TENM3: variants seen among roughly 807,000 people sequenced by gnomAD.
The protein encoded by TENM3 is teneurin-3.
TENM3 carries 63 observed loss-of-function variants against 255.1 expected under a neutral mutation model. The observed-to-expected ratio is 0.25, with a 90% CI of 0.20 to 0.30. TENM3 has a LOEUF of 0.30. TENM3 is among the 10% of genes least tolerant of loss of function. The pLI is 1.00. For synonymous variants in TENM3, 1,306 were observed against 1,322.3 expected (o/e 0.99, Z 0.27); for missense variants, 2,929 against 3,461.1 (o/e 0.85, Z 3.86).
At chr4:182,783,870 C>A (rs1174959526) in intron 24 of TENM3, among the ~76,000 whole-genome samples, 4 of 151,924 alleles carry the variant, frequency 2.6e-5, no homozygotes, top group African/African-American at 9.7e-5. Flanking sequence ...CTTCTGCATT[C>A]TTCACGTAGT....
At chr4:182,738,589 A>G in intron 18 of TENM3, 45 bp downstream of exon 18, 1 of 1,495,500 alleles carries the variant, frequency 6.7e-7, no homozygotes, top group Non-Finnish European at 9.0e-7. Flanking sequence ...TGTATTGTTC[A>G]GAGATAGCTA....
the TENM3 span, among the ~76,000 whole-genome samples, chr4:181,823,951 C>T: frequency 6.6e-6 from 1 of 152,118 alleles, no homozygotes; most frequent in Middle Eastern, 3.4e-3. Context: ...GAAGTGATGG[C>T]TTTTGTGTAC....
the TENM3 span, among the ~76,000 whole-genome samples, chr4:181,748,492 T>C: frequency 6.6e-6 from 1 of 152,098 alleles, no homozygotes; most frequent in African/African-American, 2.4e-5. Context: ...ATTTTATAGA[T>C]GGTAGATGAC....
chr4:182,239,051 G>C (rs1245275033), upstream of TENM3, among the ~76,000 whole-genome samples: 1 of 149,890 alleles, frequency 6.7e-6, no homozygotes, highest in Non-Finnish European at 1.5e-5. Flanking sequence ...GTGTGTGTGT[G>C]TGTGTGTGTG....
At position 182,796,640 on chromosome 4, in the gene TENM3, T is replaced by A. The variant is rs1579549075; in HGVS notation, c.7217T>A (p.Val2406Asp). The change falls in exon 27 of 28, where the codon GTT (valine) becomes GAT (aspartate). Residue 2406 changes from valine to aspartate, a missense_variant. Around this residue, in one of 6 missense-constraint regions of TENM3, gnomAD observed 476 missense variants for 480.1 expected, o/e 0.99. Transcript: ENST00000511685. ...ATTCTGAACATTCTTCTCCTAGATG[T>A]TAACAGCTGGCTGGTGACATTTGGT... is the stretch of plus-strand genomic sequence containing the variant. ...IHDVKDYITD[V>D]NSWLVTFGFH... 1 of 1,606,160 alleles carries A rather than the reference T, an allele frequency of 6.2e-7. No homozygotes were observed.
intron 5 of TENM3, among the ~76,000 whole-genome samples, chr4:182,653,551 A>G (rs76692326): frequency 0.035 from 5,303 of 152,300 alleles, 142 homozygotes; most frequent in Middle Eastern, 0.061. Context: ...ATAGTATTAA[A>G]TCACTATTGA....
intron 3 of TENM3, among the ~76,000 whole-genome samples, chr4:182,575,925 T>G (rs927956195): frequency 2.0e-5 from 3 of 152,210 alleles, no homozygotes; most frequent in Admixed American, 6.5e-5. Context: ...TTCCTCATTT[T>G]TATTCATCCG....
chr4:182,661,697 A>G (rs1754244393), intron 6 of TENM3, among the ~76,000 whole-genome samples: 1 of 152,200 alleles, frequency 6.6e-6, no homozygotes, highest in East Asian at 1.9e-4. Flanking sequence ...CAGGGTATGA[A>G]TCCAAGGTTA....
chr4:181,841,751 G>C, the TENM3 span, among the ~76,000 whole-genome samples: 2 of 152,016 alleles, frequency 1.3e-5, no homozygotes, highest in African/African-American at 4.8e-5. Flanking sequence ...GTGGCATAAG[G>C]CTGATTTGGG....
At chr4:182,078,191 A>C in the TENM3 span, among the ~76,000 whole-genome samples, 1 of 152,066 alleles carries the variant, frequency 6.6e-6, no homozygotes, top group African/African-American at 2.4e-5. Context: ...GTGGCACTGC[A>C]CTCTAGTCTA....
chr4:181,608,829 TTGGA>T, the TENM3 span, among the ~76,000 whole-genome samples: 1 of 152,172 alleles, frequency 6.6e-6, no homozygotes, highest in Non-Finnish European at 1.5e-5. Flanking sequence ...GAGCCTGACA[TTGGA>T]AAAGCTTAGC....
chr4:182,726,150 G>C (rs1323789058), intron 13 of TENM3, among the ~76,000 whole-genome samples: 1 of 152,062 alleles, frequency 6.6e-6, no homozygotes, highest in Non-Finnish European at 1.5e-5. Context: ...TAAAATATTA[G>C]TGTGAAAAGA....
intron 18 of TENM3, 70 bp from the exon 19 acceptor site, chr4:182,743,100 A>AT: frequency 6.7e-7 from 1 of 1,485,548 alleles, no homozygotes; most frequent in Non-Finnish European, 9.1e-7. Context: ...TAAAACAATC[A>AT]TGAACATGTT....
chr4:181,639,479 C>T, the TENM3 span, among the ~76,000 whole-genome samples: 1 of 152,138 alleles, frequency 6.6e-6, no homozygotes, highest in African/African-American at 2.4e-5. Context: ...GTGGCTCACG[C>T]CTGTAATCCC....
the TENM3 span, among the ~76,000 whole-genome samples, chr4:182,000,482 C>T: frequency 1.3e-5 from 2 of 152,164 alleles, no homozygotes; most frequent in Middle Eastern, 6.9e-3. Flanking sequence ...GTGACTGCGT[C>T]TGATATTTAT....
the TENM3 span, among the ~76,000 whole-genome samples, chr4:181,950,361 C>T: frequency 6.6e-6 from 1 of 152,186 alleles, no homozygotes; most frequent in Admixed American, 6.5e-5. Flanking sequence ...GTGAAATAAA[C>T]AGCCATGTTG....
intron 3 of TENM3, among the ~76,000 whole-genome samples, chr4:182,439,699 T>C (rs1026323280): frequency 2.0e-5 from 3 of 152,254 alleles, no homozygotes; most frequent in African/African-American, 7.2e-5. Context: ...ATTATTCTAC[T>C]AGAATTATTC....
At chr4:181,838,400 T>C in the TENM3 span, among the ~76,000 whole-genome samples, 1 of 152,214 alleles carries the variant, frequency 6.6e-6, no homozygotes, top group Non-Finnish European at 1.5e-5. Context: ...TAATATACTT[T>C]TTTGTCGAGT....
At chr4:182,708,761 G>C (rs1758502725) in intron 12 of TENM3, among the ~76,000 whole-genome samples, 1 of 147,104 alleles carries the variant, frequency 6.8e-6, no homozygotes, top group Non-Finnish European at 1.5e-5. Context: ...TCGCGCCACT[G>C]TACTCCAGCC....
Sources: gnomAD v4.1 joint callset for allele counts (sites outside exome capture counted in the v4.1 genomes callset) on GRCh38, gnomAD v4.1.1 for gene constraint, gnomAD v4.1.1 regional missense constraint, MANE v1.5 for transcripts, NCBI Gene and HGNC (gene_info 2026-07-23, HGNC 2026-07-21) for gene names.